Variants in RNGTT observed in about 807,000 individuals in gnomAD.
The protein encoded by RNGTT is mRNA-capping enzyme.
A neutral mutation model predicts 79.3 loss-of-function variants in RNGTT; 33 were observed. That is an observed-to-expected ratio of 0.42 (90% confidence interval 0.32 to 0.56). RNGTT has a LOEUF of 0.56. Ranked by LOEUF, RNGTT falls within the 20% of genes least tolerant of loss-of-function variation. The pLI is 0.17. For missense variants in RNGTT, 497 were observed against 739.1 expected (o/e 0.67, Z 3.80); for synonymous variants, 222 against 235.9 (o/e 0.94, Z 0.54).
chr6:88,759,705 CA>C (rs1778143853), intron 13 of RNGTT, among the ~76,000 whole-genome samples: 1 of 152,176 alleles, frequency 6.6e-6, no homozygotes, highest in African/African-American at 2.4e-5. Context: ...CTCAATCCTA[CA>C]ACACTTCTAA....
Position 88,944,492 on chromosome 6 carries a change from G to A in RNGTT, c.65-3312C>T, listed in dbSNP as rs144473152. Reference sequence around the variant, plus strand: ...CCATTAAAAATCCTCCCTTCTGCTCGGGATTTCCTTACCATCTTGCCTTTC... The same window carrying A: ...CCATTAAAAATCCTCCCTTCTGCTCAGGATTTCCTTACCATCTTGCCTTTC... On this transcript the variant is annotated intron_variant, in intron 1 of 15. Transcript: ENST00000369485. 5.1e-3 allele frequency among the ~76,000 whole-genome samples: 769 copies of A among 151,990 alleles called. 2 individuals carry two copies. Among genetic ancestry groups the A allele is most frequent in the Non-Finnish European group, 8.7e-3 (589 of 67,972 alleles).
intron 14 of RNGTT, among the ~76,000 whole-genome samples, chr6:88,625,670 G>A (rs1393123116): frequency 1.3e-5 from 2 of 151,660 alleles, no homozygotes; most frequent in African/African-American, 4.8e-5. Flanking sequence ...TCTAGTAGTG[G>A]CTCTATGCCT....
intron 13 of RNGTT, among the ~76,000 whole-genome samples, chr6:88,717,731 G>A (rs577868303): frequency 4.6e-5 from 7 of 152,164 alleles, no homozygotes; most frequent in Non-Finnish European, 8.8e-5. Context: ...TCCAGGAAGC[G>A]GGCAGCCTAG....
At chr6:88,931,889 G>A (rs1784523926) in intron 2 of RNGTT, among the ~76,000 whole-genome samples, 1 of 152,162 alleles carries the variant, frequency 6.6e-6, no homozygotes, top group South Asian at 2.1e-4. Context: ...TGTGATGATT[G>A]TGTTAACTGC....
chr6:88,904,584 T>C, intron 6 of RNGTT, 131 bp downstream of exon 6: 1 of 1,127,756 alleles, frequency 8.9e-7, no homozygotes, highest in South Asian at 2.0e-5. Flanking sequence ...ATTTTTTTTT[T>C]AGAAAGGGCT....
chr6:88,915,344 T>G (rs180949836), intron 4 of RNGTT, among the ~76,000 whole-genome samples: 191 of 152,264 alleles, frequency 1.3e-3, no homozygotes, highest in Non-Finnish European at 1.9e-3. Context: ...CTATTTACAA[T>G]AGCAAAGACA....
Position 88,789,180 on chromosome 6 carries a change from G to A in RNGTT, c.1338+12384C>T, listed in dbSNP as rs181966307. On this transcript the variant is annotated intron_variant, in intron 12 of 15. Coordinates refer to ENST00000369485, the MANE Select transcript of RNGTT (RefSeq NM_003800.5). Reference sequence around the variant, plus strand: ...TACACCTGTAATCCCAGCACTTTAGGAGGCTGAGGCGGGTGGATCACCTGA... The same window carrying A: ...TACACCTGTAATCCCAGCACTTTAGAAGGCTGAGGCGGGTGGATCACCTGA... 5.9e-5 allele frequency among the ~76,000 whole-genome samples: 9 copies of A among 152,264 alleles called. No homozygotes were observed. In the East Asian group the frequency reaches 1.5e-3, roughly 26 times the overall value.
intron 13 of RNGTT, among the ~76,000 whole-genome samples, chr6:88,750,368 A>G (rs564023339): frequency 5.3e-5 from 8 of 152,298 alleles, no homozygotes; most frequent in Admixed American, 5.2e-4. Flanking sequence ...GCAAGTTTGA[A>G]TAACGATCAT....
chr6:88,754,842 T>C (rs34098495), intron 13 of RNGTT, among the ~76,000 whole-genome samples: 31,676 of 152,188 alleles, frequency 0.21, 4,231 homozygotes, highest in African/African-American at 0.37. Context: ...TTTGGCCCAT[T>C]CCTTTGTTTC....
intron 14 of RNGTT, among the ~76,000 whole-genome samples, chr6:88,675,022 C>T (rs898059344): frequency 3.3e-5 from 5 of 150,880 alleles, no homozygotes; most frequent in African/African-American, 7.3e-5. Flanking sequence ...CACTTGAACT[C>T]GGGAGGCAGA....
chr6:88,950,855 T>G (rs1226713184), intron 1 of RNGTT, among the ~76,000 whole-genome samples: 2 of 137,086 alleles, frequency 1.5e-5, no homozygotes, highest in South Asian at 2.7e-4. Flanking sequence ...TAAATAACTG[T>G]TTTTGGTTTT....
At chr6:88,925,658 T>A (rs927542766) in intron 4 of RNGTT, among the ~76,000 whole-genome samples, 2 of 152,040 alleles carry the variant, frequency 1.3e-5, no homozygotes, top group African/African-American at 2.4e-5. Context: ...CTTTAAATTC[T>A]GACAGCAGTT....
chr6:88,684,308 T>C (rs755192927), intron 13 of RNGTT, among the ~76,000 whole-genome samples: 2 of 152,206 alleles, frequency 1.3e-5, no homozygotes, highest in Non-Finnish European at 2.9e-5. Flanking sequence ...ATAGCCCCTT[T>C]GGAAGACAGT....
chr6:88,782,978 A>G (rs1779113327), intron 12 of RNGTT, among the ~76,000 whole-genome samples: 1 of 152,222 alleles, frequency 6.6e-6, no homozygotes, highest in African/African-American at 2.4e-5. Context: ...TAGTGAAAAC[A>G]GTATTGAGGT....
intron 8 of RNGTT, among the ~76,000 whole-genome samples, chr6:88,871,935 A>G (rs941260916): frequency 6.6e-6 from 1 of 152,016 alleles, no homozygotes; most frequent in Non-Finnish European, 1.5e-5. Flanking sequence ...CTTACCTCCT[A>G]TTTGTTCCTC....
At chr6:88,808,971 A>G (rs1377395246) in intron 11 of RNGTT, among the ~76,000 whole-genome samples, 1 of 151,858 alleles carries the variant, frequency 6.6e-6, no homozygotes, top group Non-Finnish European at 1.5e-5. Flanking sequence ...AAAAAAAGGA[A>G]CCAACTATAT....
intron 12 of RNGTT, among the ~76,000 whole-genome samples, chr6:88,773,667 T>G (rs1052427364): frequency 6.6e-6 from 1 of 152,014 alleles, no homozygotes; most frequent in African/African-American, 2.4e-5. Context: ...CATAAATCTA[T>G]AGCAAATTGA....
intron 11 of RNGTT, among the ~76,000 whole-genome samples, chr6:88,821,669 T>C (rs1780500808): frequency 6.6e-6 from 1 of 151,136 alleles, no homozygotes; most frequent in Non-Finnish European, 1.5e-5. Flanking sequence ...CTAAGCAAAC[T>C]GAAAGAAAAA....
chr6:88,776,181 C>T (rs960526826), intron 12 of RNGTT, among the ~76,000 whole-genome samples: 1 of 152,142 alleles, frequency 6.6e-6, no homozygotes, highest in African/African-American at 2.4e-5. Context: ...CTCTCCACAC[C>T]TTCACCAACT....
Sources: gnomAD v4.1 joint callset for allele counts (sites outside exome capture counted in the v4.1 genomes callset) on GRCh38, gnomAD v4.1.1 for gene constraint, MANE v1.5 for transcripts, NCBI Gene and HGNC (gene_info 2026-07-23, HGNC 2026-07-21) for gene names.